Variants in GLRA2 observed in about 807,000 individuals in gnomAD.
GLRA2 encodes glycine receptor subunit alpha-2.
A neutral mutation model predicts 31.6 loss-of-function variants in GLRA2; 11 were observed. The observed-to-expected ratio is 0.35, with a 90% CI of 0.22 to 0.58. The LOEUF is 0.58. GLRA2 is among the 20% of genes least tolerant of loss of function. The pLI, the probability that GLRA2 is intolerant of heterozygous loss-of-function variation, is 0.84. For synonymous variants in GLRA2, 132 were observed against 134.0 expected, an observed-to-expected ratio of 0.99 and a Z score of 0.10; for missense variants, 212 against 351.8, an observed-to-expected ratio of 0.60 and a Z score of 3.18.
intron 8 of GLRA2, among the ~76,000 whole-genome samples, chrX:14,698,681 CAAAAAAAAAAA>C (rs749925474): frequency 1.4e-4 from 3 of 21,125 alleles, no homozygotes; most frequent in Admixed American, 8.7e-4. Context: ...CTATCTATCT[CAAAAAAAAAAA>C]AAAAAAAAAA....
At chrX:14,654,056 T>TGCAGCC (rs1166028459) in intron 7 of GLRA2, among the ~76,000 whole-genome samples, 2 of 111,731 alleles carry the variant, frequency 1.8e-5, no homozygotes, top group Non-Finnish European at 3.8e-5. Flanking sequence ...GCCCAGGAAG[T>TGCAGCC]CAAGGCTGCA....
At chrX:14,449,037 C>T in the GLRA2 span, among the ~76,000 whole-genome samples, 9 of 112,432 alleles carry the variant, frequency 8.0e-5, no homozygotes, top group South Asian at 1.5e-3. Flanking sequence ...TCTGCTCATT[C>T]ACCCACTCCC....
At chrX:14,530,371 T>C (rs1404156469) in intron 1 of GLRA2, among the ~76,000 whole-genome samples, 1 of 112,002 alleles carries the variant, frequency 8.9e-6, no homozygotes, top group Non-Finnish European at 1.9e-5. Context: ...CAACGTGATA[T>C]TAAGGTAGTC....
At chrX:14,613,106 TA>T (rs1392491170) in intron 7 of GLRA2, among the ~76,000 whole-genome samples, 2 of 111,561 alleles carry the variant, frequency 1.8e-5, no homozygotes, top group African/African-American at 3.3e-5. Flanking sequence ...ATCTACCCCT[TA>T]AAAAAATTAA....
chrX:14,477,972 A>G, the GLRA2 span, among the ~76,000 whole-genome samples: 1 of 110,683 alleles, frequency 9.0e-6, no homozygotes, highest in East Asian at 2.8e-4. Flanking sequence ...TGGAATTGGA[A>G]TTGCAATTCC....
At chrX:14,529,390 CTT>C (rs1401093313), upstream of GLRA2, 2 of 109,949 alleles carry the variant, frequency 1.8e-5, no homozygotes, top group Non-Finnish European at 3.8e-5. Flanking sequence ...GCCAGTCACT[CTT>C]TGCCTTCGAA....
At chrX:14,464,626 G>A in the GLRA2 span, among the ~76,000 whole-genome samples, 72 of 111,531 alleles carry the variant, frequency 6.5e-4, no homozygotes, top group African/African-American at 2.3e-3. Flanking sequence ...GTGCGATCTC[G>A]GCTCACTGCA....
At chrX:14,484,943 A>G in the GLRA2 span, among the ~76,000 whole-genome samples, 1 of 112,540 alleles carries the variant, frequency 8.9e-6, no homozygotes, top group East Asian at 2.8e-4. Context: ...CAGATAACAC[A>G]GACATCTCAA....
At chrX:14,724,158 ATG>A (rs2091899472) in intron 8 of GLRA2, among the ~76,000 whole-genome samples, 1 of 111,628 alleles carries the variant, frequency 9.0e-6, no homozygotes, top group Non-Finnish European at 1.9e-5. Flanking sequence ...GTATATGTAT[ATG>A]TGTGTATATG....
At chrX:14,712,386 C>G (rs2091724220) in intron 8 of GLRA2, among the ~76,000 whole-genome samples, 1 of 111,875 alleles carries the variant, frequency 8.9e-6, no homozygotes, top group African/African-American at 3.3e-5. Flanking sequence ...TTGAGAATCA[C>G]TCGTCTACAT....
At chrX:14,565,795 C>T (rs745428755) in intron 2 of GLRA2, among the ~76,000 whole-genome samples, 3 of 111,196 alleles carry the variant, frequency 2.7e-5, no homozygotes, top group Non-Finnish European at 5.7e-5. Context: ...AACAAAAACA[C>T]AACGTACCAA....
chrX:14,505,084 C>T, the GLRA2 span, among the ~76,000 whole-genome samples: 1 of 111,824 alleles, frequency 8.9e-6, no homozygotes, highest in Non-Finnish European at 1.9e-5. Context: ...AAAATAAAGA[C>T]TGGGTAGAGT....
intron 7 of GLRA2, among the ~76,000 whole-genome samples, chrX:14,661,192 C>T (rs2090987237): frequency 8.9e-6 from 1 of 112,183 alleles, no homozygotes; most frequent in Non-Finnish European, 1.9e-5. Flanking sequence ...CATTTTCCTC[C>T]TGTGGAAGGA....
At chrX:14,573,782 T>C (rs2089915827) in intron 2 of GLRA2, among the ~76,000 whole-genome samples, 1 of 110,643 alleles carries the variant, frequency 9.0e-6, no homozygotes, top group African/African-American at 3.3e-5. Flanking sequence ...ATTTTGTTTG[T>C]TATATTTCTG....
chrX:14,574,918 C>T (rs1381901541), intron 3 of GLRA2, among the ~76,000 whole-genome samples: 1 of 110,416 alleles, frequency 9.1e-6, no homozygotes, highest in Non-Finnish European at 1.9e-5. Flanking sequence ...ACAGTATAGC[C>T]AGTTTTTTAC....
intron 7 of GLRA2, among the ~76,000 whole-genome samples, chrX:14,667,262 G>T (rs974600961): frequency 8.9e-6 from 1 of 111,879 alleles, no homozygotes; most frequent in Admixed American, 9.5e-5. Flanking sequence ...ACTATATTAG[G>T]TAATGATTAG....
intron 7 of GLRA2, among the ~76,000 whole-genome samples, chrX:14,615,300 A>G (rs1367157900): frequency 9.0e-6 from 1 of 111,682 alleles, no homozygotes; most frequent in Non-Finnish European, 1.9e-5. Flanking sequence ...GTATAATTCA[A>G]TTGATGATTC....
At chrX:14,724,626 C>CAAAAAAAA (rs758722703) in intron 8 of GLRA2, among the ~76,000 whole-genome samples, 7 of 49,579 alleles carry the variant, frequency 1.4e-4, no homozygotes, top group African/African-American at 3.5e-4. Flanking sequence ...AACTCTGTCT[C>CAAAAAAAA]AAAAAAAAAA....
In GLRA2 at chrX:14,571,392, A is replaced by G. The variant is rs778564916; in HGVS notation, c.203-2941A>G. ...GCTAGGATAACTCCTAAAAGTGGGG[A>G]AAAAAACAGTTATCTACAATTCAAC... is the stretch of plus-strand genomic sequence containing the variant. On this transcript the variant is annotated intron_variant, in intron 2 of 8. Coordinates refer to ENST00000218075, the MANE Select transcript of GLRA2 (RefSeq NM_002063.4). 4.5e-5 allele frequency among the ~76,000 whole-genome samples: 5 copies of G among 111,970 alleles called. No homozygotes were observed. In the South Asian group the frequency reaches 1.5e-3, roughly 33 times the overall value.
Sources: gnomAD v4.1 joint callset for allele counts (sites outside exome capture counted in the v4.1 genomes callset) on GRCh38, gnomAD v4.1.1 for gene constraint, MANE v1.5 for transcripts, NCBI Gene and HGNC (gene_info 2026-07-23, HGNC 2026-07-21) for gene names.